The following MAML3 variants were observed in gnomAD, a reference collection of about 807,000 sequenced individuals.
MAML3 encodes the protein mastermind like transcriptional coactivator 3.
A neutral mutation model predicts 101.9 loss-of-function variants in MAML3; 27 were observed. That is an observed-to-expected ratio of 0.27 (90% CI 0.20 to 0.37). The LOEUF (loss-of-function observed/expected upper bound fraction) is 0.37. Among genes scored for constraint, MAML3 ranks in the 10% least tolerant of loss-of-function variants. The pLI is 1.00. For missense variants in MAML3, 1,316 were observed against 1,444.9 expected (o/e 0.91, Z 1.45); for synonymous variants, 501 against 555.9 (o/e 0.90, Z 1.39).
chr4:140,078,174 G>T (rs1030447496), intron 1 of MAML3, among the ~76,000 whole-genome samples: 2 of 151,904 alleles, frequency 1.3e-5, no homozygotes, highest in Admixed American at 6.6e-5. Flanking sequence ...AAAACAACAG[G>T]GATAAAAAGT....
At chr4:140,092,091 T>C (rs369200642) in intron 1 of MAML3, among the ~76,000 whole-genome samples, 5 of 64,676 alleles carry the variant, frequency 7.7e-5, no homozygotes, top group Non-Finnish European at 2.1e-4. Flanking sequence ...TATATACGTA[T>C]ATATATATAT....
chr4:139,914,750 C>T lies in MAML3; in HGVS notation c.469-23783G>A, dbSNP rs146627346. Among the ~76,000 whole-genome samples, 776 of 152,286 alleles carry T rather than the reference C, an allele frequency of 5.1e-3. 7 individuals carry two copies. The highest frequency in any genetic ancestry group is 0.018 in the African/African-American group (742 of 41,554). Reference sequence around the variant, plus strand: ...CAATTAAAAAGGAAGATGAAACCAACTGGAATAAAGTTAAACACATCTTTC... The same window carrying T: ...CAATTAAAAAGGAAGATGAAACCAATTGGAATAAAGTTAAACACATCTTTC... On this transcript the variant is annotated intron_variant, in intron 1 of 4. Transcript: ENST00000509479.
chr4:139,847,199 T>TA (rs1344193836), intron 2 of MAML3, among the ~76,000 whole-genome samples: 3 of 152,144 alleles, frequency 2.0e-5, no homozygotes, highest in Non-Finnish European at 4.4e-5. Context: ...CTATATTGTG[T>TA]AAAAAACAAA....
intron 2 of MAML3, among the ~76,000 whole-genome samples, chr4:139,795,078 G>A (rs1211780737): frequency 5.3e-5 from 8 of 152,312 alleles, no homozygotes; most frequent in African/African-American, 1.9e-4. Context: ...ACAGAGTTAG[G>A]TGAGAAGGCA....
chr4:139,901,864 A>G (rs1226556020), intron 1 of MAML3, among the ~76,000 whole-genome samples: 1 of 152,140 alleles, frequency 6.6e-6, no homozygotes, highest in African/African-American at 2.4e-5. Flanking sequence ...GTTTACTTAA[A>G]ATGTCCTTTC....
intron 1 of MAML3, among the ~76,000 whole-genome samples, chr4:139,982,061 A>G (rs1355606738): frequency 6.6e-6 from 1 of 152,188 alleles, no homozygotes; most frequent in Non-Finnish European, 1.5e-5. Context: ...CTATTCAAAG[A>G]GTGGGAAATT....
chr4:139,984,940 C>T (rs974646228), intron 1 of MAML3, among the ~76,000 whole-genome samples: 3 of 152,116 alleles, frequency 2.0e-5, no homozygotes, highest in Non-Finnish European at 4.4e-5. Context: ...TAAGACTAAC[C>T]ATCACAGATG....
intron 1 of MAML3, among the ~76,000 whole-genome samples, chr4:139,933,894 G>A (rs994024883): frequency 5.9e-5 from 9 of 152,190 alleles, no homozygotes; most frequent in Non-Finnish European, 1.2e-4. Flanking sequence ...GTGTGTGAAC[G>A]AGTGTGTGTC....
intron 1 of MAML3, among the ~76,000 whole-genome samples, chr4:140,141,412 C>A (rs1016193280): frequency 6.6e-6 from 1 of 152,170 alleles, no homozygotes; most frequent in Non-Finnish European, 1.5e-5. Flanking sequence ...GTAATTTAAC[C>A]TGTAGGAAGT....
At chr4:140,010,013 G>A (rs746514654) in intron 1 of MAML3, among the ~76,000 whole-genome samples, 1 of 152,176 alleles carries the variant, frequency 6.6e-6, no homozygotes, top group Non-Finnish European at 1.5e-5. Context: ...TGTGGAAATA[G>A]GCATTGCTTT....
intron 1 of MAML3, among the ~76,000 whole-genome samples, chr4:140,095,895 A>G (rs1560892161): frequency 6.6e-6 from 1 of 152,196 alleles, no homozygotes; most frequent in Non-Finnish European, 1.5e-5. Context: ...GACTGGGCTA[A>G]GTGCTTCATA....
Position 139,890,051 on chromosome 4 carries a change from A to G in MAML3, c.1385T>C (p.Met462Thr). 6.2e-7 allele frequency: 1 copy of G among 1,608,934 alleles called. No individual in the cohort carries two copies. The highest frequency in any genetic ancestry group is 8.5e-7 in the Non-Finnish European group (1 of 1,177,378). ...CTGTTTGAGCTGTTCTGCTGGAGAC[A>G]TGTCAGAGCTGGGCACAGCCACAGG... Reference protein sequence around the residue: ...SGPVAVPSSDMSPAEQLKQMA... With the variant: ...SGPVAVPSSDTSPAEQLKQMA... Residue 462 changes from methionine (M) to threonine (T), a missense_variant, in exon 2 of 5, where the codon ATG (methionine) becomes ACG (threonine). Transcript: ENST00000509479. The surrounding 1 kb of genome is among the most constrained non-coding windows in gnomAD (Gnocchi z 4.1).
chr4:140,124,464 G>A (rs189643651), intron 1 of MAML3, among the ~76,000 whole-genome samples: 1 of 152,236 alleles, frequency 6.6e-6, no homozygotes, highest in Admixed American at 6.5e-5. Context: ...AGGGAAACAC[G>A]CTCAGACATC....
intron 1 of MAML3, among the ~76,000 whole-genome samples, chr4:140,073,115 T>C (rs1037949067): frequency 2.6e-5 from 4 of 151,616 alleles, no homozygotes; most frequent in African/African-American, 4.8e-5. Context: ...CATCTGGCTT[T>C]CCATACCAAT....
intron 2 of MAML3, among the ~76,000 whole-genome samples, chr4:139,749,751 AGGAGC>A (rs890565151): frequency 6.6e-6 from 1 of 152,230 alleles, no homozygotes; most frequent in Non-Finnish European, 1.5e-5. Flanking sequence ...GGTACCAAAC[AGGAGC>A]TCTCACTACA....
chr4:140,093,837 T>C (rs918930117), intron 1 of MAML3, among the ~76,000 whole-genome samples: 1 of 152,166 alleles, frequency 6.6e-6, no homozygotes, highest in African/African-American at 2.4e-5. Flanking sequence ...CTCCCATGAT[T>C]GTAGAGGCAG....
At chr4:140,031,363 G>T (rs190966961) in intron 1 of MAML3, among the ~76,000 whole-genome samples, 18 of 152,226 alleles carry the variant, frequency 1.2e-4, no homozygotes, top group African/African-American at 4.3e-4. Context: ...ATTATAGAAA[G>T]AATAAATATT....
rs78100439 is a variant in MAML3, at chr4:139,966,977, T to A, written c.469-76010A>T. On this transcript the variant is annotated intron_variant, in intron 1 of 4. Coordinates refer to ENST00000509479, the MANE Select transcript of MAML3 (RefSeq NM_018717.5). ...GATCTGAGGGACATAGACATGAACATGGACATACATGTACACATAGATATA... is the reference window on the plus strand; with the variant it reads ...GATCTGAGGGACATAGACATGAACAAGGACATACATGTACACATAGATATA... Among the ~76,000 whole-genome samples the A allele has an allele frequency of 8.9e-3, 1,360 of 152,250 alleles. 25 individuals are homozygous for A. Among genetic ancestry groups the A allele is most frequent in the African/African-American group, 0.031 (1,292 of 41,522 alleles).
At chr4:139,919,326 T>C (rs976831202) in intron 1 of MAML3, among the ~76,000 whole-genome samples, 1 of 152,250 alleles carries the variant, frequency 6.6e-6, no homozygotes, top group Non-Finnish European at 1.5e-5. Context: ...GTTTTATTCA[T>C]GGCAAATGCC....
Sources: allele counts gnomAD v4.1 joint callset (sites outside exome capture counted in the v4.1 genomes callset), GRCh38; gene constraint gnomAD v4.1.1; non-coding constraint Gnocchi (gnomAD v3.1); transcripts MANE v1.5; gene names NCBI Gene and HGNC (gene_info 2026-07-23, HGNC 2026-07-21).